The following ATRNL1 variants were observed in gnomAD, a reference collection of about 807,000 sequenced individuals.
ATRNL1 encodes the protein attractin like 1, also known as attractin-like protein 1.
In ATRNL1, 95 loss-of-function variants were observed where a neutral mutation model predicts 182.7. The ratio of observed to expected loss-of-function variants is 0.52; its 90% CI spans 0.44 to 0.62. ATRNL1 has a LOEUF of 0.62. Ranked by LOEUF, ATRNL1 falls within the 20% of genes least tolerant of loss-of-function variation. ATRNL1 has a pLI of 0.00. For synonymous variants in ATRNL1, 576 were observed against 568.3 expected (o/e 1.01, Z -0.19); for missense variants, 1,471 against 1,679.5 (o/e 0.88, Z 2.17).
At chr10:115,430,947 A>G (rs1481937841) in intron 21 of ATRNL1, among the ~76,000 whole-genome samples, 1 of 152,122 alleles carries the variant, frequency 6.6e-6, no homozygotes, top group African/African-American at 2.4e-5. Context: ...AGAAATCCTG[A>G]TTTAGAGGCT....
At chr10:115,787,942 C>T (rs1547948) in intron 27 of ATRNL1, among the ~76,000 whole-genome samples, 3 of 151,972 alleles carry the variant, frequency 2.0e-5, no homozygotes, top group Admixed American at 2.0e-4. Flanking sequence ...AGATTTGAGC[C>T]GTTTAAACAC....
At chr10:115,220,915 T>C (rs1592278837) in intron 9 of ATRNL1, among the ~76,000 whole-genome samples, 1 of 152,070 alleles carries the variant, frequency 6.6e-6, no homozygotes, top group African/African-American at 2.4e-5. Context: ...TTGATATGAG[T>C]CTGCAAGCAA....
At chr10:115,790,968 C>T (rs1473153378) in intron 27 of ATRNL1, among the ~76,000 whole-genome samples, 2 of 152,042 alleles carry the variant, frequency 1.3e-5, no homozygotes, top group Non-Finnish European at 2.9e-5. Flanking sequence ...GTGAGATAAC[C>T]CAGAAGAGTC....
At chr10:115,128,451 TA>T in intron 4 of ATRNL1, 1 of 813,392 alleles carries the variant, frequency 1.2e-6, no homozygotes. Context: ...AGAAATATTA[TA>T]AATATCCTTG....
intron 27 of ATRNL1, among the ~76,000 whole-genome samples, chr10:115,790,962 G>C (rs1047361201): frequency 1.3e-5 from 2 of 152,166 alleles, no homozygotes; most frequent in East Asian, 1.9e-4. Context: ...ATTTATGTGA[G>C]ATAACCCAGA....
At chr10:115,660,471 G>T (rs1451915943) in intron 26 of ATRNL1, among the ~76,000 whole-genome samples, 1 of 152,070 alleles carries the variant, frequency 6.6e-6, no homozygotes, top group African/African-American at 2.4e-5. Flanking sequence ...TTGGTAGTAT[G>T]GTTTTAGAAG....
Position 115,093,914 on chromosome 10 carries a change from C to G in ATRNL1, c.164C>G (p.Ala55Gly). Residue 55 changes from alanine (A) to glycine (G), a missense_variant, in exon 1 of 29, where the codon GCG becomes GGG. Coordinates refer to ENST00000355044, the MANE Select transcript of ATRNL1 (RefSeq NM_207303.4). This position sits in a 1 kb window ranked among gnomAD's most constrained non-coding sequence, Gnocchi z 6.1. ...GGCTTCCTCTACCTGGCGCTCTACG[C>G]GCAGGTGTCCCAGTCCAAGCCGTGC... ...CYGFLYLALYAQVSQSKPCER... is the reference protein window; with the variant it reads ...CYGFLYLALYGQVSQSKPCER... 1.9e-6 allele frequency: 3 copies of G among 1,597,086 alleles called. No homozygotes were observed. Among genetic ancestry groups the G allele is most frequent in the Non-Finnish European group, 2.6e-6 (3 of 1,173,444 alleles).
chr10:115,159,153 T>C (rs1331760673), intron 5 of ATRNL1, among the ~76,000 whole-genome samples: 1 of 151,566 alleles, frequency 6.6e-6, no homozygotes, highest in Non-Finnish European at 1.5e-5. Flanking sequence ...TTTATAAATT[T>C]ACTTATATAT....
At chr10:115,820,477 A>C (rs1394560101) in intron 27 of ATRNL1, 1 of 152,134 alleles carries the variant, frequency 6.6e-6, no homozygotes, top group Non-Finnish European at 1.5e-5. Context: ...GAAATTACTA[A>C]GTGCTTTTTG....
At chr10:115,324,207 C>G (rs1554932486) in intron 18 of ATRNL1, among the ~76,000 whole-genome samples, 1 of 151,640 alleles carries the variant, frequency 6.6e-6, no homozygotes, top group African/African-American at 2.4e-5. Context: ...TCTTCCATGT[C>G]AGGGTTTGGC....
At chr10:115,379,570 A>G (rs999647445) in intron 19 of ATRNL1, among the ~76,000 whole-genome samples, 1 of 152,236 alleles carries the variant, frequency 6.6e-6, no homozygotes, top group Non-Finnish European at 1.5e-5. Flanking sequence ...GTAACTCTGA[A>G]TATGACAGTA....
chr10:115,690,036 C>T (rs1316000766), intron 26 of ATRNL1, among the ~76,000 whole-genome samples: 2 of 152,146 alleles, frequency 1.3e-5, no homozygotes, highest in East Asian at 1.9e-4. Flanking sequence ...GAGGGGATCT[C>T]ACTCTCTGCT....
intron 19 of ATRNL1, among the ~76,000 whole-genome samples, chr10:115,393,760 A>G (rs1305443493): frequency 6.6e-6 from 1 of 152,142 alleles, no homozygotes; most frequent in Non-Finnish European, 1.5e-5. Context: ...GTCAGATACA[A>G]GAAAGATTAT....
chr10:115,664,913 C>G lies in ATRNL1; in HGVS notation c.3796-62335C>G, dbSNP rs965029760. On this transcript the variant is annotated intron_variant, in intron 26 of 28. Coordinates refer to ENST00000355044, the MANE Select transcript of ATRNL1 (RefSeq NM_207303.4). ...AAGCTATTCCACTTCTTAACTGTCT[C>G]TGTACTTAAAAATCTATGTCATTTG... 5.3e-5 allele frequency among the ~76,000 whole-genome samples: 8 copies of G among 152,114 alleles called. No individual in the cohort carries two copies. In the East Asian group the frequency reaches 1.4e-3, roughly 26 times the overall value.
chr10:115,617,384 G>A (rs1857494037), intron 26 of ATRNL1, among the ~76,000 whole-genome samples: 1 of 150,566 alleles, frequency 6.6e-6, no homozygotes, highest in Admixed American at 6.6e-5. Flanking sequence ...TTTTTTAAAC[G>A]GAGTCTTGCT....
At chr10:115,110,081 CATTAT>C (rs1326325366) in intron 1 of ATRNL1, among the ~76,000 whole-genome samples, 3 of 152,130 alleles carry the variant, frequency 2.0e-5, no homozygotes, top group African/African-American at 7.2e-5. Flanking sequence ...ATCATAACAT[CATTAT>C]ATCAGTATTT....
chr10:115,558,548 G>T (rs1853464871), intron 26 of ATRNL1, among the ~76,000 whole-genome samples: 1 of 152,128 alleles, frequency 6.6e-6, no homozygotes, highest in African/African-American at 2.4e-5. Flanking sequence ...TTGATCCTTT[G>T]TTACTCAGCT....
chr10:115,230,909 G>GAGAGAGAGAGAGAGAGAGAA (rs1849909791), intron 9 of ATRNL1, among the ~76,000 whole-genome samples: 1 of 138,238 alleles, frequency 7.2e-6, no homozygotes, highest in Non-Finnish European at 1.5e-5. Flanking sequence ...GAGAGAGAGA[G>GAGAGAGAGAGAGAGAGAGAA]AGAGAGAGAG....
chr10:115,821,716 T>A (rs1321318678), intron 27 of ATRNL1, among the ~76,000 whole-genome samples: 1 of 152,196 alleles, frequency 6.6e-6, no homozygotes, highest in East Asian at 1.9e-4. Flanking sequence ...AAGGGATCAA[T>A]GCAACAAGAA....
Sources: allele counts gnomAD v4.1 joint callset (sites outside exome capture counted in the v4.1 genomes callset), GRCh38; gene constraint gnomAD v4.1.1; non-coding constraint Gnocchi (gnomAD v3.1); transcripts MANE v1.5; gene names NCBI Gene and HGNC (gene_info 2026-07-23, HGNC 2026-07-21).